The following DBN1 variants were observed in gnomAD, a reference collection of about 807,000 sequenced individuals.
The protein encoded by DBN1 is drebrin.
Under a neutral mutation model 83.5 loss-of-function variants are expected in DBN1, and 21 were observed. The observed-to-expected ratio is 0.25, with a 90% CI of 0.18 to 0.36. DBN1 has a LOEUF of 0.36. Ranked by LOEUF, DBN1 falls within the 10% of genes least tolerant of loss-of-function variation. The pLI is 1.00. For synonymous variants in DBN1, 381 were observed against 384.9 expected (o/e 0.99, Z 0.12); for missense variants, 874 against 935.7 (o/e 0.93, Z 0.86).
At chr5:177,471,561 G>A (rs1757843624) in intron 1 of DBN1, among the ~76,000 whole-genome samples, 1 of 152,024 alleles carries the variant, frequency 6.6e-6, no homozygotes, top group African/African-American at 2.4e-5. Flanking sequence ...TGAGTCTTCA[G>A]ACCTCACTGC....
chr5:177,468,907 G>A lies in DBN1; in HGVS notation c.87-8C>T, dbSNP rs201820937. On this transcript the variant is annotated splice_region_variant and splice_polypyrimidine_tract_variant and intron_variant, in intron 1 of 14. Transcript: ENST00000393565. ...TCATATGTGTACAGAGCCCTGGGGA[G>A]AGGGAGGGGTGGCTGTCAAACTGTC... 79 of 1,313,418 alleles carry A rather than the reference G, an allele frequency of 6.0e-5. 1 individual carries two copies. In the Admixed American group the frequency reaches 2.2e-3, roughly 36 times the overall value. 81.4% of individuals were successfully genotyped at this position (1,313,418 alleles called of 1,614,324 possible).
At position 177,465,581 on chromosome 5, in the gene DBN1, C is replaced by A. The variant is rs183505763; in HGVS notation, c.771+1191G>T. Among the ~76,000 whole-genome samples, 3 of 152,172 alleles carry A rather than the reference C, an allele frequency of 2.0e-5. No homozygotes were observed. In the East Asian group the frequency reaches 5.8e-4, roughly 29 times the overall value. ...CCACAGTTACATACATGTGGCCAGG[C>A]GCGGTGGCTCACGTCTATAATCCCA... On this transcript the variant is annotated intron_variant, in intron 8 of 14. Transcript: ENST00000393565.
chr5:177,472,371 G>A (rs1319534940), intron 1 of DBN1: 10 of 1,477,196 alleles, frequency 6.8e-6, no homozygotes, highest in African/African-American at 2.9e-5. Flanking sequence ...AGGGAGAGGA[G>A]GCCTAGGAAC....
intron 8 of DBN1, chr5:177,462,280 A>C: frequency 1.0e-6 from 1 of 985,456 alleles, no homozygotes; most frequent in African/African-American, 1.7e-5. Context: ...CAGTTCCCAG[A>C]ACAGGCACAC....
chr5:177,460,371 G>A, intron 10 of DBN1, 61 bp downstream of exon 10: 1 of 1,610,332 alleles, frequency 6.2e-7, no homozygotes, highest in Non-Finnish European at 8.5e-7. Context: ...GAGAGTCCCA[G>A]AGAGGCTCAG....
At chr5:177,468,932 C>T (rs372055285) in intron 1 of DBN1, 33 bp from the exon 2 acceptor site, 56 of 1,301,422 alleles carry the variant, frequency 4.3e-5, no homozygotes, top group Non-Finnish European at 5.1e-5. Context: ...GTCAAACTGT[C>T]AGGGCCCAGG....
Position 177,467,264 on chromosome 5 carries a change from C to T in DBN1, c.546G>A (p.Glu182=). The T allele has an allele frequency of 1.2e-6, 2 of 1,614,164 alleles. No individual in the cohort carries two copies. Among genetic ancestry groups the T allele is most frequent in the East Asian group, 2.2e-5 (1 of 44,868 alleles). Residue 182 remains glutamate, a synonymous_variant, in exon 6 of 15, where the codon GAG becomes GAA. Coordinates refer to ENST00000393565, the MANE Select transcript of DBN1 (RefSeq NM_001363541.2). The surrounding 1 kb of genome is among the most constrained non-coding windows in gnomAD (Gnocchi z 9.1). ...MKRINREQFW[E]QAKKEEELRK... ...GCTCAGGGTTCCATACCTTGGCCTG[C>T]TCCCAGAACTGCTCTCGGTTAATCC... is the stretch of plus-strand genomic sequence containing the variant.
At position 177,472,330 on chromosome 5, in the gene DBN1, C is replaced by T. The variant is rs1757909565; in HGVS notation, c.86+1106G>A. Reference sequence around the variant, plus strand: ...CCTGCCCTCCTCTTTGCCTCAGTTTCCTCAAGAAGAACCTGTTCCCATCTG... The same window carrying T: ...CCTGCCCTCCTCTTTGCCTCAGTTTTCTCAAGAAGAACCTGTTCCCATCTG... On this transcript the variant is annotated intron_variant, in intron 1 of 14. Coordinates refer to ENST00000393565, the MANE Select transcript of DBN1 (RefSeq NM_001363541.2). 7 of 1,519,334 alleles carry T rather than the reference C, an allele frequency of 4.6e-6. 1 individual carries two copies. Among genetic ancestry groups the T allele is most frequent in the Middle Eastern group, 1.7e-4 (1 of 5,874 alleles). 94.1% of individuals were successfully genotyped at this position (1,519,334 alleles called of 1,614,324 possible). A position where few individuals can be genotyped will look rare whatever the true frequency, so the allele number is the denominator to read the frequency against.
In DBN1 at chr5:177,467,013, T is replaced by C. The variant is rs1313507355; in HGVS notation, c.605A>G (p.Glu202Gly). The C allele has an allele frequency of 1.9e-6, 3 of 1,613,698 alleles. No homozygotes were observed. The highest frequency in any genetic ancestry group is 2.5e-6 in the Non-Finnish European group (3 of 1,179,946). ...CCGCTCCTGCTCGAACCTGAGCCTC[T>C]CATCCAGGGCCTTCTTCCGCTCCTC... The part of the protein sequence containing the change: ...KEEERKKALD[E>G]RLRFEQERME... The change falls in exon 7 of 15, where the codon GAG (glutamate) becomes GGG (glycine). Residue 202 changes from glutamate (E) to glycine (G), a missense_variant. Transcript: ENST00000393565. This position sits in a 1 kb window ranked among gnomAD's most constrained non-coding sequence, Gnocchi z 9.1.
At position 177,458,662 on chromosome 5, in the gene DBN1, G is replaced by A. The variant is rs745556137; in HGVS notation, c.1310C>T (p.Ala437Val). The A allele has an allele frequency of 1.3e-6, 2 of 1,575,196 alleles. No homozygotes were observed. The highest frequency in any genetic ancestry group is 2.4e-5 in the South Asian group (2 of 84,678). Residue 437 changes from alanine to valine, a missense_variant, in exon 13 of 15, where the codon GCA (alanine) becomes GTA (valine). By Grantham distance (64) the Ala-to-Val change is moderately conservative. Coordinates refer to ENST00000393565, the MANE Select transcript of DBN1 (RefSeq NM_001363541.2). ...GCCGGCCCAGGCCTGAGGGGCTGCT[G>A]CTCTGGTCTCCTCACTGTCTAGGAT... ...SPILDSEETR[A>V]AAPQAWAGPM...
intron 8 of DBN1, among the ~76,000 whole-genome samples, chr5:177,465,539 A>C (rs1192493905): frequency 6.6e-6 from 1 of 152,216 alleles, no homozygotes; most frequent in Non-Finnish European, 1.5e-5. Flanking sequence ...CTGAAATGGT[A>C]CATTTTATGT....
Position 177,473,592 on chromosome 5 carries a change from A to C in DBN1, c.-71T>G. ...GGCGGACGGAGGAGGAGGGAGGGAA[A>C]GAGGGAGTCGCCGCCGCCGCCTCGG... On this transcript the variant is annotated 5_prime_UTR_variant, in exon 1 of 15. Transcript: ENST00000393565. 2.2e-6 allele frequency: 2 copies of C among 898,910 alleles called. No homozygotes were observed. The highest frequency in any genetic ancestry group is 1.4e-6 in the Non-Finnish European group (1 of 728,078). The allele number at this position is 898,910 out of a possible 1,614,324, so 55.7% of individuals were successfully genotyped here.
At chr5:177,464,881 GCA>G (rs1310926864) in intron 8 of DBN1, among the ~76,000 whole-genome samples, 5 of 152,062 alleles carry the variant, frequency 3.3e-5, no homozygotes, top group African/African-American at 4.8e-5. Context: ...CAGGCCGGGT[GCA>G]GTGGCTCACG....
In DBN1 at chr5:177,459,150, C is replaced by G. The variant is rs749173170; in HGVS notation, c.1212G>C (p.Glu404Asp). The G allele has an allele frequency of 1.2e-6, 2 of 1,611,082 alleles. No homozygotes were observed. The highest frequency in any genetic ancestry group is 1.7e-6 in the Non-Finnish European group (2 of 1,178,708). Residue 404 changes from glutamate (E) to aspartate (D), a missense_variant, in exon 12 of 15, where the codon GAG becomes GAC. Around this residue, in one of 4 missense-constraint regions of DBN1, gnomAD observed 725 missense variants for 719.7 expected, o/e 1.01. Coordinates refer to ENST00000393565, the MANE Select transcript of DBN1 (RefSeq NM_001363541.2). ...VAEQIERALD[E>D]VTSSQPPPLP... is the part of the protein sequence containing the mutation. Reference sequence around the variant, plus strand: ...GTGGTGGAGGCTGCGAGGAGGTGACCTCATCCAGGGCCCGCTCTATCTGCT... The same window carrying G: ...GTGGTGGAGGCTGCGAGGAGGTGACGTCATCCAGGGCCCGCTCTATCTGCT...
chr5:177,472,093 C>T, intron 1 of DBN1: 1 of 1,593,872 alleles, frequency 6.3e-7, no homozygotes, highest in Non-Finnish European at 8.5e-7. Flanking sequence ...CCTGCTGAGC[C>T]TGTGCCGGCC....
At position 177,473,569 on chromosome 5, in the gene DBN1, C is replaced by A; in HGVS notation, c.-48G>T. On this transcript the variant is annotated 5_prime_UTR_variant, in exon 1 of 15. Coordinates refer to ENST00000393565, the MANE Select transcript of DBN1 (RefSeq NM_001363541.2). Reference sequence around the variant, plus strand: ...ACGGACAGACGCGCGGACGGACGGGCGGACGGAGGAGGAGGGAGGGAAAGA... The same window carrying A: ...ACGGACAGACGCGCGGACGGACGGGAGGACGGAGGAGGAGGGAGGGAAAGA... The A allele has an allele frequency of 3.6e-6, 4 of 1,125,080 alleles. No homozygotes were observed. Among genetic ancestry groups the A allele is most frequent in the South Asian group, 2.0e-5 (1 of 49,202 alleles). The allele number at this position is 1,125,080 out of a possible 1,614,324, so 69.7% of individuals were successfully genotyped here.
chr5:177,457,651 C>G lies in DBN1; in HGVS notation c.2017+4G>C, dbSNP rs1756618657. ...TTCCTCCCCATCATCCAGCCCAGTA[C>G]TACCTGGAGGCTTGTTGTAGAACAC... is the stretch of plus-strand genomic sequence containing the variant. On this transcript the variant is annotated splice_donor_region_variant and intron_variant, in intron 14 of 14. Coordinates refer to ENST00000393565, the MANE Select transcript of DBN1 (RefSeq NM_001363541.2). The G allele has an allele frequency of 1.1e-5, 17 of 1,590,170 alleles. No homozygotes were observed. Among genetic ancestry groups the G allele is most frequent in the Non-Finnish European group, 1.5e-5 (17 of 1,159,594 alleles).
chr5:177,457,890 G>A (rs754885289), intron 13 of DBN1, 133 bp from the exon 14 acceptor site: 2 of 980,440 alleles, frequency 2.0e-6, no homozygotes, highest in African/African-American at 1.6e-5. Context: ...GCCTGCCTTG[G>A]GAACAAAAGC....
At chr5:177,472,937 G>T in intron 1 of DBN1, 1 of 646,198 alleles carries the variant, frequency 1.5e-6, no homozygotes, top group Non-Finnish European at 1.9e-6. Flanking sequence ...AGCCCGCTCC[G>T]CTCCTCCCCC....
Sources: allele counts gnomAD v4.1 joint callset (sites outside exome capture counted in the v4.1 genomes callset), GRCh38; gene constraint gnomAD v4.1.1; regional missense constraint gnomAD v4.1.1; non-coding constraint Gnocchi (gnomAD v3.1); transcripts MANE v1.5; gene names NCBI Gene and HGNC (gene_info 2026-07-23, HGNC 2026-07-21).